PROSER2: variants seen among roughly 807,000 people sequenced by gnomAD.
PROSER2 encodes proline and serine-rich protein 2.
A neutral mutation model predicts 14.6 loss-of-function variants in PROSER2; 18 were observed. That is an observed-to-expected ratio of 1.23 (90% confidence interval 0.85 to 1.83). The LOEUF is 1.83. PROSER2 is among the 40% of genes most tolerant of loss of function. The pLI, the probability that PROSER2 is intolerant of heterozygous loss-of-function variation, is 0.00. For missense variants in PROSER2, 823 were observed against 629.8 expected, an observed-to-expected ratio of 1.31 and a Z score of -3.28; for synonymous variants, 367 against 286.4, an observed-to-expected ratio of 1.28 and a Z score of -2.84.
chr10:11,843,194 C>G (rs1396537952), intron 1 of PROSER2, among the ~76,000 whole-genome samples: 3 of 149,842 alleles, frequency 2.0e-5, no homozygotes, highest in African/African-American at 4.9e-5. Flanking sequence ...CCCACCTCGG[C>G]CTCCCAAAGT....
At position 11,864,152 on chromosome 10, in the gene PROSER2, C is replaced by T. The variant is rs1834298539; in HGVS notation, c.139-2379C>T. Among the ~76,000 whole-genome samples, 5 of 152,292 alleles carry T rather than the reference C, an allele frequency of 3.3e-5. No homozygotes were observed. In the South Asian group the frequency reaches 1.0e-3, roughly 32 times the overall value. ...GAAGACCTTGCATGACTTAAAAACA[C>T]CTTTATTCTTCCGTAGTTCTAATTA... is the stretch of plus-strand genomic sequence containing the variant. On this transcript the variant is annotated intron_variant, in intron 2 of 3. Transcript: ENST00000277570.
intron 2 of PROSER2, among the ~76,000 whole-genome samples, chr10:11,852,673 C>T (rs1834045720): frequency 6.7e-6 from 1 of 150,318 alleles, no homozygotes; most frequent in Non-Finnish European, 1.5e-5. Flanking sequence ...CTCGTGCCAC[C>T]ACACCCGGCT....
In PROSER2 at chr10:11,823,400, G is replaced by C. The variant is rs900500963; in HGVS notation, c.-152G>C. ...TCCCGGAACAGTCTGCGCCAGACGG[G>C]CGGCGGCGTGAGGGCTCCGGGTCGC... On this transcript the variant is annotated 5_prime_UTR_variant, in exon 1 of 4. Coordinates refer to ENST00000277570, the MANE Select transcript of PROSER2 (RefSeq NM_153256.4). The surrounding 1 kb of genome is among the most constrained non-coding windows in gnomAD (Gnocchi z 6.2). 1.3e-5 allele frequency: 2 copies of C among 153,364 alleles called. No individual in the cohort carries two copies. The highest frequency in any genetic ancestry group is 6.6e-5 in the Admixed American group (1 of 15,244). 9.5% of individuals were successfully genotyped at this position (153,364 alleles called of 1,614,324 possible). A position where few individuals can be genotyped will look rare whatever the true frequency, so the allele number is the denominator to read the frequency against.
Position 11,836,735 on chromosome 10 carries a change from T to C in PROSER2, c.-82+13265T>C, listed in dbSNP as rs1833766003. On this transcript the variant is annotated intron_variant, in intron 1 of 3. Coordinates refer to ENST00000277570, the MANE Select transcript of PROSER2 (RefSeq NM_153256.4). The surrounding 1 kb of genome is among the most constrained non-coding windows in gnomAD (Gnocchi z 4.6). ...TACCTCTTTCCCAGCTCAACTGTGC[T>C]TGTCTTGACTGTATCTTAAAAGTGC... Among the ~76,000 whole-genome samples, 1 of 152,146 alleles carries C rather than the reference T, an allele frequency of 6.6e-6. No individual in the cohort carries two copies. Among genetic ancestry groups the C allele is most frequent in the Non-Finnish European group, 1.5e-5 (1 of 68,014 alleles).
At chr10:11,846,238 C>T (rs374443295) in intron 1 of PROSER2, among the ~76,000 whole-genome samples, 41 of 152,240 alleles carry the variant, frequency 2.7e-4, no homozygotes, top group African/African-American at 7.2e-4. Context: ...TCACCTGCCT[C>T]GGCCTCCCAT....
intron 2 of PROSER2, among the ~76,000 whole-genome samples, chr10:11,854,219 A>G (rs974695137): frequency 1.3e-5 from 2 of 152,224 alleles, no homozygotes; most frequent in Non-Finnish European, 2.9e-5. Context: ...TTTACTTGTC[A>G]TCTTATTATT....
In PROSER2 at chr10:11,869,436, T is replaced by A; in HGVS notation, c.392-54T>A. ...TTCAGTTCAGCGAGAGGGAACTTCA[T>A]GCATTTACTTTCACGTGGGCCGGTG... On this transcript the variant is annotated intron_variant, in intron 3 of 3. Transcript: ENST00000277570. This position sits in a 1 kb window ranked among gnomAD's most constrained non-coding sequence, Gnocchi z 4.4. 7.5e-7 allele frequency: 1 copy of A among 1,340,250 alleles called. No homozygotes were observed. Among genetic ancestry groups the A allele is most frequent in the East Asian group, 2.3e-5 (1 of 43,538 alleles). 83.0% of individuals were successfully genotyped at this position (1,340,250 alleles called of 1,614,324 possible). A position where few individuals can be genotyped will look rare whatever the true frequency, so the allele number is the denominator to read the frequency against.
intron 1 of PROSER2, among the ~76,000 whole-genome samples, chr10:11,844,717 G>T (rs551855015): frequency 6.6e-6 from 1 of 152,316 alleles, no homozygotes; most frequent in South Asian, 2.1e-4. Flanking sequence ...TGCCTCCTGG[G>T]TTCAAGCGAT....
At chr10:11,826,225 C>T (rs1434307444) in intron 1 of PROSER2, among the ~76,000 whole-genome samples, 3 of 152,290 alleles carry the variant, frequency 2.0e-5, no homozygotes, top group South Asian at 2.1e-4. Flanking sequence ...TTTTTATCGC[C>T]GAATAATGTT....
intron 2 of PROSER2, among the ~76,000 whole-genome samples, chr10:11,858,683 T>C (rs1834170893): frequency 6.6e-6 from 1 of 152,150 alleles, no homozygotes; most frequent in Non-Finnish European, 1.5e-5. Context: ...CTTCAGAGAC[T>C]TGTCATTTCT....
Position 11,870,523 on chromosome 10 carries a change from C to T in PROSER2, c.*117C>T. 1.1e-6 allele frequency: 1 copy of T among 893,572 alleles called. No homozygotes were observed. The highest frequency in any genetic ancestry group is 3.4e-5 in the East Asian group (1 of 29,676). The allele number at this position is 893,572 out of a possible 1,614,324, so 55.4% of individuals were successfully genotyped here. ...GGAAGTGACAGCGGGAGCCCCTGCC[C>T]TCTGTGGCACATCGGAGTCTAGAGG... On this transcript the variant is annotated 3_prime_UTR_variant, in exon 4 of 4. Coordinates refer to ENST00000277570, the MANE Select transcript of PROSER2 (RefSeq NM_153256.4).
intron 2 of PROSER2, among the ~76,000 whole-genome samples, chr10:11,858,084 G>C (rs963996202): frequency 2.6e-5 from 4 of 152,134 alleles, no homozygotes; most frequent in Admixed American, 2.6e-4. Context: ...ACAGGTGGGT[G>C]CTACCACGCC....
intron 1 of PROSER2, among the ~76,000 whole-genome samples, chr10:11,845,680 GGGA>G (rs1351125126): frequency 6.6e-6 from 1 of 152,140 alleles, no homozygotes; most frequent in Non-Finnish European, 1.5e-5. Context: ...AACCCGGGGA[GGGA>G]GCTGAGAGGA....
chr10:11,833,091 A>T (rs190516704), intron 1 of PROSER2, among the ~76,000 whole-genome samples: 2,798 of 151,866 alleles, frequency 0.018, 58 homozygotes, highest in African/African-American at 0.053. Context: ...TGATCCGCCC[A>T]CCTCAGCCTC....
In PROSER2 at chr10:11,845,715, G is replaced by A. The variant is rs372836302; in HGVS notation, c.-81-6282G>A. Among the ~76,000 whole-genome samples the A allele has an allele frequency of 5.0e-4, 76 of 152,226 alleles. No individual in the cohort carries two copies. The East Asian group carries it at 7.4e-3, about 15-fold the overall frequency. On this transcript the variant is annotated intron_variant, in intron 1 of 3. Transcript: ENST00000277570. ...AGGAAGGGCAGAGGCTGGGGTCCTCGGCGGGACCCAGCAGCCTGCAGGGAG... is the reference window on the plus strand; with the variant it reads ...AGGAAGGGCAGAGGCTGGGGTCCTCAGCGGGACCCAGCAGCCTGCAGGGAG...
At chr10:11,824,104 G>A (rs542889582) in intron 1 of PROSER2, among the ~76,000 whole-genome samples, 1 of 152,356 alleles carries the variant, frequency 6.6e-6, no homozygotes, top group East Asian at 1.9e-4. Context: ...GTTTTACGGA[G>A]TCTAAATTTA....
Position 11,869,248 on chromosome 10 carries a change from T to TG in PROSER2, c.392-240dup. ...ACATGGACGGAATGTCTCCTAGGTG[T>TG]GGACTGTCTGACTTGCAGGGCTATC... On this transcript the variant is annotated intron_variant, in intron 3 of 3. Transcript: ENST00000277570. The surrounding 1 kb of genome is among the most constrained non-coding windows in gnomAD (Gnocchi z 4.4). 3 of 581,662 alleles carry TG rather than the reference T, an allele frequency of 5.2e-6. No homozygotes were observed. The highest frequency in any genetic ancestry group is 9.2e-6 in the Non-Finnish European group (3 of 325,682). 36.0% of individuals were successfully genotyped at this position (581,662 alleles called of 1,614,324 possible).
intron 2 of PROSER2, among the ~76,000 whole-genome samples, chr10:11,864,241 C>A (rs1349262776): frequency 6.6e-6 from 1 of 152,190 alleles, no homozygotes; most frequent in Non-Finnish European, 1.5e-5. Context: ...CCCATTGTCT[C>A]CCGGCTTCTG....
intron 2 of PROSER2, among the ~76,000 whole-genome samples, chr10:11,859,771 G>A (rs1834198856): frequency 6.6e-6 from 1 of 152,188 alleles, no homozygotes; most frequent in Non-Finnish European, 1.5e-5. Flanking sequence ...GTTCACCCAT[G>A]TAAAGTATAC....
Sources: gnomAD v4.1 joint callset for allele counts (sites outside exome capture counted in the v4.1 genomes callset) on GRCh38, gnomAD v4.1.1 for gene constraint, Gnocchi (gnomAD v3.1) non-coding constraint, MANE v1.5 for transcripts, NCBI Gene and HGNC (gene_info 2026-07-23, HGNC 2026-07-21) for gene names.